The following TBL1XR1 variants were observed in gnomAD, a reference collection of about 807,000 sequenced individuals.
The protein encoded by TBL1XR1 is F-box-like/WD repeat-containing protein TBL1XR1.
A neutral mutation model predicts 66.9 loss-of-function variants in TBL1XR1; 5 were observed. The observed-to-expected ratio is 0.07, with a 90% CI of 0.04 to 0.16. The LOEUF is 0.16. Among genes scored for constraint, TBL1XR1 ranks in the 10% least tolerant of loss-of-function variants. The pLI is 1.00. For missense variants in TBL1XR1, 238 were observed against 623.2 expected (o/e 0.38, Z 6.58); for synonymous variants, 210 against 206.0 (o/e 1.02, Z -0.17).
intron 2 of TBL1XR1, among the ~76,000 whole-genome samples, chr3:177,082,543 A>G (rs923876856): frequency 1.3e-5 from 2 of 151,434 alleles, no homozygotes; most frequent in Non-Finnish European, 2.9e-5. Flanking sequence ...CTTTCCTAAC[A>G]GCAAATTAAG....
intron 15 of TBL1XR1, chr3:177,026,111 C>T (rs1713087261): frequency 4.3e-6 from 2 of 467,976 alleles, no homozygotes; most frequent in Non-Finnish European, 7.5e-6. Context: ...CTCTGGTATA[C>T]CTAATTTCAT....
At chr3:177,035,834 T>G (rs1345673271) in intron 12 of TBL1XR1, among the ~76,000 whole-genome samples, 1 of 152,054 alleles carries the variant, frequency 6.6e-6, no homozygotes, top group Non-Finnish European at 1.5e-5. Context: ...ATTTACAGAC[T>G]CCCTGGAGAG....
At chr3:177,158,208 A>ATAC (rs1193395058) in intron 1 of TBL1XR1, among the ~76,000 whole-genome samples, 2 of 148,960 alleles carry the variant, frequency 1.3e-5, no homozygotes, top group Non-Finnish European at 3.0e-5. Context: ...TTCCACTGTA[A>ATAC]ATATAGGATT....
chr3:177,107,088 G>C (rs1339824191), intron 1 of TBL1XR1, among the ~76,000 whole-genome samples: 1 of 151,846 alleles, frequency 6.6e-6, no homozygotes, highest in Non-Finnish European at 1.5e-5. Flanking sequence ...CTTTGTAATA[G>C]AATGCAATAG....
chr3:177,109,905 TACAG>T (rs1284509276), intron 1 of TBL1XR1, among the ~76,000 whole-genome samples: 1 of 152,174 alleles, frequency 6.6e-6, no homozygotes, highest in African/African-American at 2.4e-5. Context: ...ATGTTCTGTG[TACAG>T]ACAATGATGT....
chr3:177,185,100 G>C (rs765892838), intron 1 of TBL1XR1, among the ~76,000 whole-genome samples: 25 of 151,736 alleles, frequency 1.6e-4, no homozygotes, highest in Non-Finnish European at 3.5e-4. Flanking sequence ...ATGGTAATAA[G>C]AACATCAACA....
chr3:177,071,031 G>GTTTTTTTTTTTTTTTTTTTTTTTTTT (rs764951521), intron 2 of TBL1XR1, among the ~76,000 whole-genome samples: 10 of 104,716 alleles, frequency 9.5e-5, no homozygotes, highest in African/African-American at 3.9e-4. Flanking sequence ...CTGAGAATCT[G>GTTTTTTTTTTTTTTTTTTTTTTTTTT]TTTTTTTTTT....
intron 2 of TBL1XR1, among the ~76,000 whole-genome samples, chr3:177,076,184 T>C (rs1325448987): frequency 2.0e-5 from 3 of 152,140 alleles, no homozygotes; most frequent in African/African-American, 7.2e-5. Context: ...CACAATTCTA[T>C]TCACTGAGGG....
chr3:177,192,296 C>T (rs758809862), intron 1 of TBL1XR1, among the ~76,000 whole-genome samples: 5 of 151,244 alleles, frequency 3.3e-5, no homozygotes, highest in African/African-American at 1.2e-4. Flanking sequence ...GCAGGAGAAT[C>T]GCTTGAACCC....
At chr3:177,190,626 C>G (rs1259608393) in intron 1 of TBL1XR1, among the ~76,000 whole-genome samples, 1 of 152,132 alleles carries the variant, frequency 6.6e-6, no homozygotes, top group Non-Finnish European at 1.5e-5. Flanking sequence ...TCAAAACCAT[C>G]CATTTTCATC....
chr3:177,192,520 G>C (rs1039985379), intron 1 of TBL1XR1, among the ~76,000 whole-genome samples: 1 of 131,774 alleles, frequency 7.6e-6, no homozygotes, highest in Non-Finnish European at 1.7e-5. Flanking sequence ...ATCCACCACC[G>C]TACCTACACC....
chr3:177,108,957 A>T (rs1725221435), intron 1 of TBL1XR1, among the ~76,000 whole-genome samples: 1 of 152,308 alleles, frequency 6.6e-6, no homozygotes, highest in African/African-American at 2.4e-5. Context: ...TTAAAAATTA[A>T]CAGAAAATGA....
At chr3:177,165,528 C>G (rs949950940) in intron 1 of TBL1XR1, among the ~76,000 whole-genome samples, 1 of 152,030 alleles carries the variant, frequency 6.6e-6, no homozygotes, top group Non-Finnish European at 1.5e-5. Flanking sequence ...AAGGAGAGAA[C>G]AAAGTGAAAG....
intron 10 of TBL1XR1, among the ~76,000 whole-genome samples, chr3:177,041,814 T>G (rs1304589792): frequency 6.6e-6 from 1 of 152,056 alleles, no homozygotes; most frequent in Non-Finnish European, 1.5e-5. Context: ...CTGTCAGGAG[T>G]TCAAAGTGAG....
intron 1 of TBL1XR1, among the ~76,000 whole-genome samples, chr3:177,104,043 G>T (rs1724555080): frequency 6.6e-6 from 1 of 151,402 alleles, no homozygotes; most frequent in Admixed American, 6.6e-5. Flanking sequence ...TTGAACCCAG[G>T]AGGCAGAGGT....
At chr3:177,039,466 TACCTCTTAAAATCTGTTCTTGTCAAAC>T (rs1374812793) in intron 10 of TBL1XR1, among the ~76,000 whole-genome samples, 3 of 152,216 alleles carry the variant, frequency 2.0e-5, no homozygotes, top group African/African-American at 7.2e-5. Context: ...TTTTGCCAAA[TACCTCTTAAAATCTGTTCTTGTCAAAC>T]ACCTCTTAAA....
intron 1 of TBL1XR1, among the ~76,000 whole-genome samples, chr3:177,152,770 T>A (rs1731047337): frequency 6.6e-6 from 1 of 152,222 alleles, no homozygotes. Flanking sequence ...TTCTTGATTA[T>A]CCCTAATTAC....
At chr3:177,176,194 T>G (rs1734127380) in intron 1 of TBL1XR1, among the ~76,000 whole-genome samples, 1 of 151,446 alleles carries the variant, frequency 6.6e-6, no homozygotes, top group Non-Finnish European at 1.5e-5. Context: ...ACTTGTTAAT[T>G]TTCTTGTTTT....
intron 1 of TBL1XR1, among the ~76,000 whole-genome samples, chr3:177,108,488 T>G (rs1315193596): frequency 6.6e-6 from 1 of 152,150 alleles, no homozygotes; most frequent in Non-Finnish European, 1.5e-5. Context: ...ATCTATATAG[T>G]GTATTAGACA....
Sources: allele counts gnomAD v4.1 joint callset (sites outside exome capture counted in the v4.1 genomes callset), GRCh38; gene constraint gnomAD v4.1.1; transcripts MANE v1.5; gene names NCBI Gene and HGNC (gene_info 2026-07-23, HGNC 2026-07-21).